Variants in GALNT3 observed in about 807,000 individuals in gnomAD.
GALNT3 encodes polypeptide N-acetylgalactosaminyltransferase 3.
A neutral mutation model predicts 69.8 loss-of-function variants in GALNT3; 51 were observed. The ratio of observed to expected loss-of-function variants is 0.73; its 90% CI spans 0.58 to 0.92. The LOEUF (loss-of-function observed/expected upper bound fraction) is 0.92, where lower values mean the gene tolerates loss of function less well. Among genes scored for constraint, GALNT3 ranks in the 40% least tolerant of loss-of-function variants. The probability of loss-of-function intolerance (pLI) is 0.00; values close to 1 mark genes in which losing one functional copy is unlikely to be tolerated. For synonymous variants in GALNT3, 265 were observed against 248.5 expected (o/e 1.07, Z -0.63); for missense variants, 711 against 760.0 (o/e 0.94, Z 0.76).
At chr2:165,752,953 G>C (rs902941742) in intron 9 of GALNT3, among the ~76,000 whole-genome samples, 6 of 152,064 alleles carry the variant, frequency 3.9e-5, no homozygotes, top group Non-Finnish European at 8.8e-5. Context: ...TATAGGTATA[G>C]ATGTATGTCT....
At chr2:165,794,345 C>G (rs551857117), upstream of GALNT3, 1 of 152,412 alleles carries the variant, frequency 6.6e-6, no homozygotes, top group Admixed American at 6.5e-5. Flanking sequence ...CAGGTGAGAA[C>G]CTTGGATCGC....
At chr2:165,780,039 A>T (rs1196861850) in intron 1 of GALNT3, among the ~76,000 whole-genome samples, 8 of 152,190 alleles carry the variant, frequency 5.3e-5, no homozygotes, top group Non-Finnish European at 7.3e-5. Flanking sequence ...TGATCCCCGC[A>T]GGGGCTCAAT....
chr2:165,785,886 A>G (rs1323261515), intron 1 of GALNT3, among the ~76,000 whole-genome samples: 3 of 152,198 alleles, frequency 2.0e-5, no homozygotes, highest in Non-Finnish European at 4.4e-5. Context: ...GTTAGAGTAC[A>G]TAGAAATTGT....
At chr2:165,771,305 C>T (rs1411457106) in intron 1 of GALNT3, 6 of 152,132 alleles carry the variant, frequency 3.9e-5, no homozygotes, top group African/African-American at 1.4e-4. Context: ...AATGATAATA[C>T]AGCAGTTTCA....
chr2:165,748,754 CT>C lies in GALNT3; in HGVS notation c.*26del. The C allele has an allele frequency of 6.3e-7, 1 of 1,591,132 alleles. No individual in the cohort carries two copies. Among genetic ancestry groups the C allele is most frequent in the South Asian group, 1.1e-5 (1 of 89,680 alleles). On this transcript the variant is annotated 3_prime_UTR_variant, in exon 11 of 11. Transcript: ENST00000392701. ...ACAGTTTTATGAGAAAGAATATTTCCTTTTTCAACTTAATTTTAAGGAACAC... is the reference window on the plus strand; with the variant it reads ...ACAGTTTTATGAGAAAGAATATTTCCTTTTCAACTTAATTTTAAGGAACAC...
At chr2:165,769,327 A>C (rs1347799424) in intron 2 of GALNT3, among the ~76,000 whole-genome samples, 2 of 147,978 alleles carry the variant, frequency 1.4e-5, no homozygotes, top group East Asian at 4.0e-4. Flanking sequence ...AATCGCTTGA[A>C]CCCAGGAGGC....
intron 6 of GALNT3, among the ~76,000 whole-genome samples, 199 bp from the exon 7 acceptor site, chr2:165,757,446 AG>A (rs1688466058): frequency 2.0e-5 from 3 of 152,238 alleles, no homozygotes; most frequent in African/African-American, 7.2e-5. Context: ...TAGACACTAA[AG>A]ACAACAGAAG....
intron 3 of GALNT3, among the ~76,000 whole-genome samples, chr2:165,764,626 C>T (rs1006639928): frequency 6.6e-6 from 1 of 152,210 alleles, no homozygotes; most frequent in Non-Finnish European, 1.5e-5. Flanking sequence ...AGTCTGTGCT[C>T]TTAACCTCTA....
chr2:165,782,471 G>A (rs189138811), intron 1 of GALNT3, among the ~76,000 whole-genome samples: 49 of 152,120 alleles, frequency 3.2e-4, no homozygotes, highest in African/African-American at 9.6e-4. Context: ...ATCCAGGGTC[G>A]CATGTGGCCC....
At chr2:165,783,487 A>G (rs1156661692) in intron 1 of GALNT3, among the ~76,000 whole-genome samples, 5 of 152,186 alleles carry the variant, frequency 3.3e-5, no homozygotes, top group Non-Finnish European at 7.3e-5. Context: ...AGGTTTACCA[A>G]TGCTGATGTG....
chr2:165,756,946 T>C, intron 7 of GALNT3, 101 bp downstream of exon 7: 1 of 917,492 alleles, frequency 1.1e-6, no homozygotes, highest in Non-Finnish European at 1.7e-6. Flanking sequence ...AAACCTACTT[T>C]CAAATTTTTT....
At position 165,766,863 on chromosome 2, in the gene GALNT3, T is replaced by C. The variant is rs575948639; in HGVS notation, c.516-1807A>G. Among the ~76,000 whole-genome samples, 7 of 152,240 alleles carry C rather than the reference T, an allele frequency of 4.6e-5. No homozygotes were observed. The South Asian group carries it at 6.2e-4, about 14-fold the overall frequency. On this transcript the variant is annotated intron_variant, in intron 2 of 10. Transcript: ENST00000392701. ...ACAGCAAGTCTTTAGAATGGATTAT[T>C]TGTAGTGATTAAAAAAAGGAGTTGG...
At chr2:165,765,797 A>G (rs1265423955) in intron 2 of GALNT3, among the ~76,000 whole-genome samples, 2 of 152,100 alleles carry the variant, frequency 1.3e-5, no homozygotes, top group Non-Finnish European at 2.9e-5. Flanking sequence ...ATATTAAATC[A>G]TTTTTATAAA....
chr2:165,791,685 T>C (rs189988729), intron 1 of GALNT3, among the ~76,000 whole-genome samples: 3 of 152,276 alleles, frequency 2.0e-5, no homozygotes, highest in African/African-American at 7.2e-5. Context: ...ATAAAATATA[T>C]TTTAAGCCAA....
At chr2:165,769,617 T>C (rs1324863652) in intron 2 of GALNT3, among the ~76,000 whole-genome samples, 4 of 151,434 alleles carry the variant, frequency 2.6e-5, no homozygotes, top group African/African-American at 9.7e-5. Context: ...TAGCCAGCTG[T>C]GGTGGCGGGC....
intron 10 of GALNT3, 82 bp from the exon 11 acceptor site, chr2:165,748,985 T>C (rs370517087): frequency 2.8e-6 from 4 of 1,406,948 alleles, no homozygotes; most frequent in South Asian, 2.4e-5. Context: ...TATGGTTTCA[T>C]TGAAGCAAAC....
intron 1 of GALNT3, among the ~76,000 whole-genome samples, chr2:165,776,156 T>C (rs926652676): frequency 6.6e-6 from 1 of 152,052 alleles, no homozygotes; most frequent in Non-Finnish European, 1.5e-5. Context: ...AGATACACAA[T>C]AAATAAATGA....
chr2:165,777,176 T>A (rs1682974711), intron 1 of GALNT3, among the ~76,000 whole-genome samples: 1 of 152,198 alleles, frequency 6.6e-6, no homozygotes, highest in South Asian at 2.1e-4. Context: ...AAGTTTAAAG[T>A]CTGGTTCCTG....
intron 9 of GALNT3, among the ~76,000 whole-genome samples, chr2:165,752,510 A>G (rs1195685753): frequency 6.6e-6 from 1 of 152,192 alleles, no homozygotes; most frequent in East Asian, 1.9e-4. Context: ...TTATTGAAAG[A>G]ATATGTGAAT....
Sources: allele counts gnomAD v4.1 joint callset (sites outside exome capture counted in the v4.1 genomes callset), GRCh38; gene constraint gnomAD v4.1.1; transcripts MANE v1.5; gene names NCBI Gene and HGNC (gene_info 2026-07-23, HGNC 2026-07-21).